STXBP5L: variants seen among roughly 807,000 people sequenced by gnomAD.
STXBP5L encodes the protein syntaxin binding protein 5L.
In STXBP5L, 65 loss-of-function variants were observed where a neutral mutation model predicts 144.5. The ratio of observed to expected loss-of-function variants is 0.45; its 90% CI spans 0.37 to 0.55. The LOEUF (loss-of-function observed/expected upper bound fraction) is 0.55, where lower values mean the gene tolerates loss of function less well. Among genes scored for constraint, STXBP5L ranks in the 20% least tolerant of loss-of-function variants. The pLI, the probability that STXBP5L is intolerant of heterozygous loss-of-function variation, is 0.00. For synonymous variants in STXBP5L, 505 were observed against 469.6 expected (o/e 1.08, Z -0.97); for missense variants, 1,298 against 1,405.5 (o/e 0.92, Z 1.22).
Position 121,227,292 on chromosome 3 carries a change from T to C in STXBP5L, c.1111+4135T>C, listed in dbSNP as rs80060062. On this transcript the variant is annotated intron_variant, in intron 11 of 26. Coordinates refer to ENST00000471454, the MANE Select transcript of STXBP5L (RefSeq NM_001308330.2). ...ACTTAATTTCATTTAAATAATTCTGTTTGGTTGGCCAGGTGCAGTGGCTCA... is the reference window on the plus strand; with the variant it reads ...ACTTAATTTCATTTAAATAATTCTGCTTGGTTGGCCAGGTGCAGTGGCTCA... Among the ~76,000 whole-genome samples, 432 of 152,234 alleles carry C rather than the reference T, an allele frequency of 2.8e-3. 1 individual carries two copies. The highest frequency in any genetic ancestry group is 0.01 in the African/African-American group (422 of 41,558).
chr3:120,978,365 G>A (rs1018008123), intron 3 of STXBP5L, among the ~76,000 whole-genome samples: 3 of 151,990 alleles, frequency 2.0e-5, no homozygotes, highest in Admixed American at 1.3e-4. Flanking sequence ...CATTCTTCAC[G>A]TAGTTCTCAA....
At chr3:121,176,698 TA>T in intron 9 of STXBP5L, among the ~76,000 whole-genome samples, 1 of 151,322 alleles carries the variant, frequency 6.6e-6, no homozygotes, top group Admixed American at 6.6e-5. Flanking sequence ...ATCTCAAAAA[TA>T]AAGATAAAAT....
In STXBP5L at chr3:121,257,167, G is replaced by C; in HGVS notation, c.1666G>C (p.Glu556Gln). The change falls in exon 17 of 27, where the codon GAG becomes CAG. Residue 556 changes from glutamate (E) to glutamine (Q), a missense_variant. Coordinates refer to ENST00000471454, the MANE Select transcript of STXBP5L (RefSeq NM_001308330.2). ...HEITTEIVSL[E>Q]VRLQYDVEDI... ...TAAACTTGATTTTTTTAAGTCATTA[G>C]AGGTACGACTTCAGTATGATGTTGA... 1 of 1,600,582 alleles carries C rather than the reference G, an allele frequency of 6.2e-7. No homozygotes were observed. Among genetic ancestry groups the C allele is most frequent in the Non-Finnish European group, 8.5e-7 (1 of 1,171,754 alleles).
chr3:120,954,884 G>T, intron 2 of STXBP5L, 56 bp from the exon 3 acceptor site: 1 of 1,448,082 alleles, frequency 6.9e-7, no homozygotes, highest in South Asian at 1.2e-5. Flanking sequence ...ATGGTATCTT[G>T]TGATTGTAAT....
intron 1 of STXBP5L, 66 bp from the exon 2 acceptor site, chr3:120,909,505 T>TA (rs1360413936): frequency 2.1e-5 from 29 of 1,380,464 alleles, no homozygotes; most frequent in Non-Finnish European, 2.7e-5. Flanking sequence ...GAAAGGCTTT[T>TA]ACCAAGGTCT....
chr3:121,302,796 A>C (rs1486104762), intron 19 of STXBP5L, among the ~76,000 whole-genome samples: 1 of 152,234 alleles, frequency 6.6e-6, no homozygotes, highest in Non-Finnish European at 1.5e-5. Context: ...TTCCCTATTT[A>C]ATAAAGGGTG....
rs74674054 is a variant in STXBP5L, at chr3:121,306,968, C to T, written c.2111-11507C>T. ...GTGTAACAGCTGTATATGATATTAA[C>T]AGAGGCAGACAGGTTAACAGAGAGA... On this transcript the variant is annotated intron_variant, in intron 19 of 26. Transcript: ENST00000471454. 4.5e-3 allele frequency among the ~76,000 whole-genome samples: 684 copies of T among 152,228 alleles called. 16 individuals are homozygous for T. The East Asian group carries it at 0.097, about 22-fold the overall frequency.
chr3:121,210,401 G>A (rs532768705), intron 10 of STXBP5L, among the ~76,000 whole-genome samples: 3 of 151,880 alleles, frequency 2.0e-5, no homozygotes, highest in Non-Finnish European at 3.0e-5. Flanking sequence ...TCTGATGGTC[G>A]TTTCTTTTGC....
At chr3:121,029,758 G>C (rs1358502590) in intron 3 of STXBP5L, among the ~76,000 whole-genome samples, 1 of 151,864 alleles carries the variant, frequency 6.6e-6, no homozygotes, top group Non-Finnish European at 1.5e-5. Context: ...TACAGAATGG[G>C]AGAATTTTTT....
At chr3:121,272,236 C>G (rs1048644152) in intron 18 of STXBP5L, among the ~76,000 whole-genome samples, 3 of 152,148 alleles carry the variant, frequency 2.0e-5, no homozygotes, top group Non-Finnish European at 4.4e-5. Context: ...AAATGCCCTA[C>G]TTTTATTGAA....
intron 7 of STXBP5L, among the ~76,000 whole-genome samples, chr3:121,127,620 T>A (rs532476539): frequency 1.5e-4 from 23 of 151,484 alleles, no homozygotes; most frequent in Non-Finnish European, 3.0e-4. Flanking sequence ...GGGCCCACCC[T>A]AAATCCAGAA....
At chr3:121,351,522 CT>C (rs1226534126) in intron 20 of STXBP5L, among the ~76,000 whole-genome samples, 2 of 152,128 alleles carry the variant, frequency 1.3e-5, no homozygotes, top group African/African-American at 2.4e-5. Context: ...CCTTTGCCCA[CT>C]TTTTGATGGG....
intron 20 of STXBP5L, among the ~76,000 whole-genome samples, chr3:121,369,214 C>T (rs1051760070): frequency 9.9e-5 from 15 of 152,148 alleles, no homozygotes; most frequent in African/African-American, 3.6e-4. Flanking sequence ...TCTAAGCCTT[C>T]CCCTGAAAGT....
At chr3:121,270,484 G>A (rs898333816) in intron 18 of STXBP5L, among the ~76,000 whole-genome samples, 15 of 151,494 alleles carry the variant, frequency 9.9e-5, no homozygotes, top group Admixed American at 5.9e-4. Context: ...ATGGTGTCTC[G>A]CTCTATTGCC....
rs1047724401 is a variant in STXBP5L, at chr3:120,997,021, C to A, written c.287+41984C>A. On this transcript the variant is annotated intron_variant, in intron 3 of 26. Coordinates refer to ENST00000471454, the MANE Select transcript of STXBP5L (RefSeq NM_001308330.2). ...TCCATGTGTACTCAATGTTCAGCTC[C>A]CACTTATGTAAGTGAGAACATGCAG... Among the ~76,000 whole-genome samples, 8 of 152,130 alleles carry A rather than the reference C, an allele frequency of 5.3e-5. No homozygotes were observed. The South Asian group carries it at 6.2e-4, about 12-fold the overall frequency.
intron 19 of STXBP5L, among the ~76,000 whole-genome samples, chr3:121,301,663 G>T (rs1341546523): frequency 2.6e-5 from 4 of 152,106 alleles, no homozygotes; most frequent in Non-Finnish European, 4.4e-5. Context: ...GCCCATTCAG[G>T]ATGATATTGG....
intron 18 of STXBP5L, among the ~76,000 whole-genome samples, chr3:121,263,205 C>G (rs568823081): frequency 6.6e-6 from 1 of 152,156 alleles, no homozygotes; most frequent in Non-Finnish European, 1.5e-5. Context: ...CCAGCAAACT[C>G]CAGCAGACCT....
intron 20 of STXBP5L, among the ~76,000 whole-genome samples, chr3:121,358,109 G>A (rs753113795): frequency 1.3e-5 from 2 of 152,146 alleles, no homozygotes; most frequent in Non-Finnish European, 2.9e-5. Context: ...TATCCTTTGA[G>A]TTACAAACAG....
chr3:121,314,789 A>G (rs2043721161), intron 19 of STXBP5L, among the ~76,000 whole-genome samples: 1 of 152,218 alleles, frequency 6.6e-6, no homozygotes, highest in Admixed American at 6.5e-5. Flanking sequence ...AGTTTACAAG[A>G]AAAAAACAAA....
Sources: gnomAD v4.1 joint callset for allele counts (sites outside exome capture counted in the v4.1 genomes callset) on GRCh38, gnomAD v4.1.1 for gene constraint, MANE v1.5 for transcripts, NCBI Gene and HGNC (gene_info 2026-07-23, HGNC 2026-07-21) for gene names.